The following OPTN variants were observed in gnomAD, a reference collection of about 807,000 sequenced individuals.
The protein encoded by OPTN is optineurin, also known as E3-14.7K-interacting protein.
OPTN carries 54 observed loss-of-function variants against 70.4 expected under a neutral mutation model. The ratio of observed to expected loss-of-function variants is 0.77; its 90% CI spans 0.62 to 0.96. OPTN has a LOEUF of 0.96. OPTN is among the 40% of genes least tolerant of loss of function. The pLI, the probability that OPTN is intolerant of heterozygous loss-of-function variation, is 0.00. For missense variants in OPTN, 624 were observed against 673.2 expected (o/e 0.93, Z 0.81); for synonymous variants, 256 against 248.5 (o/e 1.03, Z -0.28).
chr10:13,119,649 G>A (rs995772509), intron 7 of OPTN, among the ~76,000 whole-genome samples: 9 of 152,238 alleles, frequency 5.9e-5, no homozygotes, highest in Admixed American at 1.3e-4. Context: ...AAGCAGCTGC[G>A]CCATTTTGCA....
At chr10:13,130,330 C>T (rs956952645) in intron 12 of OPTN, among the ~76,000 whole-genome samples, 12 of 144,218 alleles carry the variant, frequency 8.3e-5, no homozygotes, top group African/African-American at 2.8e-4. Context: ...GAGGCTGAGG[C>T]AGGAGAATTG....
In OPTN at chr10:13,133,839, C is replaced by T. The variant is rs555740828; in HGVS notation, c.1612+258C>T. The stretch of plus-strand genomic sequence containing the variant: ...TTTCTTTTTTTTTGAGACAGAATTT[C>T]GCTGTGTCGTCCAGGCTGGAGTGCA... On this transcript the variant is annotated intron_variant, in intron 14 of 14. Coordinates refer to ENST00000378747, the MANE Select transcript of OPTN (RefSeq NM_001008212.2). Among the ~76,000 whole-genome samples the T allele has an allele frequency of 1.2e-4, 18 of 152,054 alleles. No individual in the cohort carries two copies. The South Asian group carries it at 1.7e-3, about 14-fold the overall frequency.
In OPTN at chr10:13,112,508, A is replaced by C. The variant is rs757411888; in HGVS notation, c.425A>C (p.Gln142Pro). Residue 142 changes from glutamine to proline, a missense_variant, in exon 5 of 15, where the codon CAG becomes CCG. Coordinates refer to ENST00000378747, the MANE Select transcript of OPTN (RefSeq NM_001008212.2). Reference protein sequence around the residue: ...PRAEAEQEKDQLRTQVVRLQA... With the variant: ...PRAEAEQEKDPLRTQVVRLQA... ...GCCGAAGCGGAGCAGGAAAAGGACC[A>C]GCTCAGGACCCAGGTGGTGAGGCTA... 8.1e-6 allele frequency: 13 copies of C among 1,614,008 alleles called. No individual in the cohort carries two copies. Among genetic ancestry groups the C allele is most frequent in the Non-Finnish European group, 1.0e-5 (12 of 1,180,044 alleles).
chr10:13,132,971 C>T (rs1014560130), intron 13 of OPTN, among the ~76,000 whole-genome samples: 5 of 151,994 alleles, frequency 3.3e-5, no homozygotes, highest in African/African-American at 1.2e-4. Flanking sequence ...CTCCTTTGTT[C>T]CCCATCCATC....
Position 13,136,996 on chromosome 10 carries a change from C to T in OPTN, c.*130C>T. 1 of 1,251,366 alleles carries T rather than the reference C, an allele frequency of 8.0e-7. No homozygotes were observed. The highest frequency in any genetic ancestry group is 1.5e-5 in the African/African-American group (1 of 67,834). The allele number at this position is 1,251,366 out of a possible 1,614,324, so 77.5% of individuals were successfully genotyped here. A position where few individuals can be genotyped will look rare whatever the true frequency, so the allele number is the denominator to read the frequency against. On this transcript the variant is annotated 3_prime_UTR_variant, in exon 15 of 15. Transcript: ENST00000378747. ...TATTCTTGTTTTAAAAGAAAGAAAA[C>T]AGGCCGGGCACAGTGGCTCATGCCT...
chr10:13,119,981 C>CTTTT (rs35284693), intron 7 of OPTN, among the ~76,000 whole-genome samples: 108 of 117,600 alleles, frequency 9.2e-4, no homozygotes, highest in African/African-American at 1.3e-3. Context: ...TATTTTCTTT[C>CTTTT]TTTTTTTTTT....
At chr10:13,129,026 C>A (rs1564367223) in intron 12 of OPTN, among the ~76,000 whole-genome samples, 1 of 152,096 alleles carries the variant, frequency 6.6e-6, no homozygotes, top group East Asian at 1.9e-4. Context: ...GTTTAAGAAA[C>A]TTTTACTACC....
chr10:13,118,675 G>C (rs970215379), intron 6 of OPTN, among the ~76,000 whole-genome samples: 1 of 152,324 alleles, frequency 6.6e-6, no homozygotes, highest in East Asian at 1.9e-4. Context: ...CCTCTCCAGA[G>C]CCTCACTGAG....
At position 13,112,141 on chromosome 10, in the gene OPTN, G is replaced by A. The variant is rs11258196; in HGVS notation, c.370-312G>A. Among the ~76,000 whole-genome samples the A allele has an allele frequency of 0.29, 42,978 of 147,080 alleles. 6,971 individuals are homozygous for A. Among genetic ancestry groups the A allele is most frequent in the Non-Finnish European group, 0.37 (24,788 of 67,014 alleles). On this transcript the variant is annotated intron_variant, in intron 4 of 14. Transcript: ENST00000378747. Reference sequence around the variant, plus strand: ...TGGGATTACAGGCGTGAGCCACCACGCCTGGCTTGGCTTTTTTTTTTTTTT... The same window carrying A: ...TGGGATTACAGGCGTGAGCCACCACACCTGGCTTGGCTTTTTTTTTTTTTT...
At chr10:13,100,918 CTG>C (rs1832730043) in intron 1 of OPTN, among the ~76,000 whole-genome samples, 1 of 152,190 alleles carries the variant, frequency 6.6e-6, no homozygotes, top group Non-Finnish European at 1.5e-5. Flanking sequence ...AGCAGGAAAA[CTG>C]TTGTATGGAA....
chr10:13,109,361 C>T (rs1246054055), intron 3 of OPTN, 73 bp downstream of exon 3: 2 of 1,487,680 alleles, frequency 1.3e-6, no homozygotes, highest in African/African-American at 2.8e-5. Context: ...TGCACTAAGG[C>T]TTGGTGGTGA....
intron 14 of OPTN, among the ~76,000 whole-genome samples, chr10:13,134,077 G>A (rs376464767): frequency 7.2e-5 from 11 of 152,260 alleles, no homozygotes; most frequent in Non-Finnish European, 1.3e-4. Flanking sequence ...CCAAAGTACC[G>A]GGATTACAGG....
intron 14 of OPTN, among the ~76,000 whole-genome samples, chr10:13,135,909 A>G (rs939403040): frequency 2.0e-5 from 3 of 152,316 alleles, no homozygotes; most frequent in African/African-American, 7.2e-5. Context: ...TTAAATCCTA[A>G]AAGAATGCAC....
chr10:13,120,811 C>T (rs1011003874), intron 7 of OPTN, among the ~76,000 whole-genome samples: 11 of 152,178 alleles, frequency 7.2e-5, no homozygotes, highest in African/African-American at 1.2e-4. Context: ...TATGAAGAAC[C>T]GCCTGAGACT....
intron 4 of OPTN, among the ~76,000 whole-genome samples, chr10:13,111,550 T>C (rs1348899585): frequency 6.6e-6 from 1 of 151,700 alleles, no homozygotes; most frequent in Non-Finnish European, 1.5e-5. Context: ...ATACAAAAAT[T>C]AGCCAGGCAT....
At chr10:13,107,651 G>A (rs543916627) in intron 1 of OPTN, among the ~76,000 whole-genome samples, 3 of 151,988 alleles carry the variant, frequency 2.0e-5, no homozygotes, top group Non-Finnish European at 2.9e-5. Context: ...AAAGTGCTGG[G>A]ATTAGAGGCG....
intron 7 of OPTN, among the ~76,000 whole-genome samples, chr10:13,120,598 T>C (rs909379204): frequency 1.3e-5 from 2 of 151,816 alleles, no homozygotes; most frequent in African/African-American, 4.8e-5. Context: ...AATTTTGTAG[T>C]TTCATCTCTG....
chr10:13,115,419 AAT>A lies in OPTN; in HGVS notation c.553-840_553-839del, dbSNP rs559073807. Among the ~76,000 whole-genome samples, 100 of 107,804 alleles carry A rather than the reference AAT, an allele frequency of 9.3e-4. 1 individual carries two copies. The highest frequency in any genetic ancestry group is 3.5e-3 in the African/African-American group (92 of 26,330). 70.7% of individuals were successfully genotyped at this position (107,804 alleles called of 152,430 possible). On this transcript the variant is annotated intron_variant, in intron 5 of 14. Coordinates refer to ENST00000378747, the MANE Select transcript of OPTN (RefSeq NM_001008212.2). ...AGATATATCTGTATTTATATTATAG[AAT>A]ATATATAATATAGAATATATATAAT... is the stretch of plus-strand genomic sequence containing the variant.
chr10:13,117,281 C>T lies in OPTN; in HGVS notation c.626+941C>T, dbSNP rs372211102. 8.4e-4 allele frequency among the ~76,000 whole-genome samples: 127 copies of T among 151,416 alleles called. 1 individual carries two copies. In the East Asian group the frequency reaches 0.02, roughly 23 times the overall value. ...ATTTTTAGTAGAGATGGGGTTTCAC[C>T]GTGTTAGCCAGGATGGTCTCGATCT... On this transcript the variant is annotated intron_variant, in intron 6 of 14. Coordinates refer to ENST00000378747, the MANE Select transcript of OPTN (RefSeq NM_001008212.2).
Sources: gnomAD v4.1 joint callset for allele counts (sites outside exome capture counted in the v4.1 genomes callset) on GRCh38, gnomAD v4.1.1 for gene constraint, MANE v1.5 for transcripts, NCBI Gene and HGNC (gene_info 2026-07-23, HGNC 2026-07-21) for gene names.